The following CAMTA1 variants were observed in gnomAD, a reference collection of about 807,000 sequenced individuals.
CAMTA1 encodes calmodulin-binding transcription activator 1.
CAMTA1 carries 27 observed loss-of-function variants against 170.9 expected under a neutral mutation model. The observed-to-expected ratio is 0.16, with a 90% CI of 0.12 to 0.22. The LOEUF is 0.22. Ranked by LOEUF, CAMTA1 falls within the 10% of genes least tolerant of loss-of-function variation. The pLI is 1.00. For synonymous variants in CAMTA1, 833 were observed against 891.5 expected (o/e 0.93, Z 1.17); for missense variants, 1,619 against 2,217.2 (o/e 0.73, Z 5.42).
chr1:7,130,041 A>G (rs1310219680), intron 4 of CAMTA1, among the ~76,000 whole-genome samples: 1 of 151,816 alleles, frequency 6.6e-6, no homozygotes, highest in African/African-American at 2.4e-5. Context: ...GGTTCAAGCC[A>G]TTCTCCCGCC....
intron 3 of CAMTA1, among the ~76,000 whole-genome samples, chr1:6,861,403 T>C (rs1246847057): frequency 6.6e-6 from 1 of 152,210 alleles, no homozygotes; most frequent in Non-Finnish European, 1.5e-5. Context: ...TGAGATGGAA[T>C]TGAAATGATC....
chr1:7,320,700 G>A (rs1307033872), intron 5 of CAMTA1, among the ~76,000 whole-genome samples: 1 of 148,952 alleles, frequency 6.7e-6, no homozygotes, highest in African/African-American at 2.5e-5. Context: ...ATGGTGAGAG[G>A]GATAATTTCA....
intron 4 of CAMTA1, among the ~76,000 whole-genome samples, chr1:7,101,069 G>T (rs888679705): frequency 1.3e-5 from 2 of 152,176 alleles, no homozygotes; most frequent in African/African-American, 4.8e-5. Flanking sequence ...CCCTGGCACT[G>T]TGCCCACACT....
chr1:6,994,910 C>T (rs957167610), intron 3 of CAMTA1, among the ~76,000 whole-genome samples: 4 of 152,266 alleles, frequency 2.6e-5, no homozygotes, highest in East Asian at 3.9e-4. Flanking sequence ...ACAAGTGATC[C>T]TCCCGCCTTG....
At chr1:6,818,932 C>CATTT (rs1007942843) in intron 1 of CAMTA1, among the ~76,000 whole-genome samples, 13 of 152,204 alleles carry the variant, frequency 8.5e-5, no homozygotes, top group African/African-American at 1.4e-4. Context: ...TGAGCCACCA[C>CATTT]ATTTATTTAT....
In CAMTA1 at chr1:7,585,289, C is replaced by T. The variant is rs1052496199; in HGVS notation, c.511-55111C>T. Among the ~76,000 whole-genome samples the T allele has an allele frequency of 6.9e-6, 1 of 145,558 alleles. No individual in the cohort carries two copies. The highest frequency in any genetic ancestry group is 1.5e-5 in the Non-Finnish European group (1 of 68,004). ...TAAAGGAAGGGGTACGGGAGGGTTG[C>T]GGATAGAGTAGCCAAGAAGAGGCCT... On this transcript the variant is annotated intron_variant, in intron 6 of 22. Transcript: ENST00000303635. The surrounding 1 kb of genome is among the most constrained non-coding windows in gnomAD (Gnocchi z 4.8).
chr1:6,942,945 G>T (rs1056198128), intron 3 of CAMTA1, among the ~76,000 whole-genome samples: 2 of 152,164 alleles, frequency 1.3e-5, no homozygotes, highest in Non-Finnish European at 2.9e-5. Flanking sequence ...GCATGAGAAG[G>T]TGCCACAGGG....
At chr1:6,957,568 G>A (rs909739232) in intron 3 of CAMTA1, among the ~76,000 whole-genome samples, 1 of 150,920 alleles carries the variant, frequency 6.6e-6, no homozygotes, top group African/African-American at 2.5e-5. Flanking sequence ...AGCCAGCACT[G>A]GCAAGTCAAG....
At chr1:7,470,772 C>T (rs978534527) in intron 6 of CAMTA1, among the ~76,000 whole-genome samples, 6 of 152,328 alleles carry the variant, frequency 3.9e-5, no homozygotes, top group Non-Finnish European at 7.3e-5. Flanking sequence ...GTTCAGTGGC[C>T]GCCTCCTGCC....
At chr1:7,632,116 C>T (rs903788382) in intron 6 of CAMTA1, among the ~76,000 whole-genome samples, 5 of 152,250 alleles carry the variant, frequency 3.3e-5, no homozygotes, top group African/African-American at 1.2e-4. Flanking sequence ...GGCTCCTACC[C>T]TCGTTGTTCA....
chr1:7,766,829 A>G lies in CAMTA1; in HGVS notation c.*338A>G, dbSNP rs2097027604. ...CAGGAAGAAGCCATTTCCTTCTCAT[A>G]TAGGGCTGTATTCAAACATCGTGTG... On this transcript the variant is annotated 3_prime_UTR_variant, in exon 23 of 23. Transcript: ENST00000303635. The G allele has an allele frequency of 3.4e-6, 1 of 290,798 alleles. No homozygotes were observed. Among genetic ancestry groups the G allele is most frequent in the Non-Finnish European group, 6.5e-6 (1 of 152,814 alleles). The allele number at this position is 290,798 out of a possible 1,614,324, so 18.0% of individuals were successfully genotyped here.
chr1:7,734,505 C>T (rs1229955546), intron 12 of CAMTA1, among the ~76,000 whole-genome samples: 2 of 151,516 alleles, frequency 1.3e-5, no homozygotes. Flanking sequence ...CCGTGTTTGC[C>T]ATGCGGGATA....
At chr1:6,931,402 A>C (rs997396844) in intron 3 of CAMTA1, among the ~76,000 whole-genome samples, 1 of 152,208 alleles carries the variant, frequency 6.6e-6, no homozygotes, top group Admixed American at 6.5e-5. Context: ...GTGTCTCTAC[A>C]GGTAGCGTAG....
chr1:7,157,950 G>C (rs915885230), intron 4 of CAMTA1, among the ~76,000 whole-genome samples: 2 of 152,154 alleles, frequency 1.3e-5, no homozygotes, highest in African/African-American at 4.8e-5. Context: ...ACGAGGTCAG[G>C]AGATCGAGAC....
At chr1:7,272,996 A>G (rs947613200) in intron 5 of CAMTA1, among the ~76,000 whole-genome samples, 5 of 152,188 alleles carry the variant, frequency 3.3e-5, no homozygotes, top group Non-Finnish European at 5.9e-5. Flanking sequence ...TTAACACACG[A>G]AAATATATTT....
intron 6 of CAMTA1, among the ~76,000 whole-genome samples, chr1:7,508,317 C>T (rs565448375): frequency 2.0e-5 from 3 of 152,294 alleles, no homozygotes; most frequent in Non-Finnish European, 2.9e-5. Context: ...CCACACCCGT[C>T]GGAAGAGGCG....
chr1:7,745,838 G>T lies in CAMTA1; in HGVS notation c.4371-7G>T, dbSNP rs754613903. 1.3e-5 allele frequency: 21 copies of T among 1,612,928 alleles called. No individual in the cohort carries two copies. The Admixed American group carries it at 3.5e-4, about 27-fold the overall frequency. On this transcript the variant is annotated splice_region_variant and splice_polypyrimidine_tract_variant and intron_variant, in intron 17 of 22. Transcript: ENST00000303635. ...ATCTGTCTCTCCTTTTTCTCCTCTT[G>T]TTTCAGAAGTGCATATAACGAGCCT...
intron 20 of CAMTA1, 123 bp from the exon 21 acceptor site, chr1:7,752,336 A>T: frequency 1.3e-6 from 1 of 784,576 alleles, no homozygotes; most frequent in South Asian, 1.5e-5. Flanking sequence ...TACATCTTTA[A>T]CATATGCTGT....
intron 6 of CAMTA1, among the ~76,000 whole-genome samples, chr1:7,618,693 G>A (rs907569237): frequency 1.3e-4 from 20 of 152,190 alleles, no homozygotes; most frequent in African/African-American, 4.6e-4. Flanking sequence ...AGCTCAAGTT[G>A]AGCATTGTAA....
Sources: allele counts gnomAD v4.1 joint callset (sites outside exome capture counted in the v4.1 genomes callset), GRCh38; gene constraint gnomAD v4.1.1; non-coding constraint Gnocchi (gnomAD v3.1); transcripts MANE v1.5; gene names NCBI Gene and HGNC (gene_info 2026-07-23, HGNC 2026-07-21).